The following SGCZ variants were observed in gnomAD, a reference collection of about 807,000 sequenced individuals.
SGCZ encodes sarcoglycan zeta.
Under a neutral mutation model 41.3 loss-of-function variants are expected in SGCZ, and 40 were observed. The observed-to-expected ratio is 0.97, with a 90% CI of 0.75 to 1.26. SGCZ has a LOEUF of 1.26. SGCZ is among the 50% of genes most tolerant of loss of function. The probability of loss-of-function intolerance (pLI) is 0.00; values close to 1 mark genes in which losing one functional copy is unlikely to be tolerated. For synonymous variants in SGCZ, 206 were observed against 137.5 expected, an observed-to-expected ratio of 1.50 and a Z score of -3.49; for missense variants, 552 against 369.8, an observed-to-expected ratio of 1.49 and a Z score of -4.04.
At chr8:15,101,713 TG>T (rs1485161314) in intron 1 of SGCZ, among the ~76,000 whole-genome samples, 1 of 152,124 alleles carries the variant, frequency 6.6e-6, no homozygotes, top group Non-Finnish European at 1.5e-5. Context: ...GGCAGATACT[TG>T]AAGTCAGGCA....
At chr8:14,842,340 GA>G (rs1339589511) in intron 1 of SGCZ, among the ~76,000 whole-genome samples, 1 of 148,808 alleles carries the variant, frequency 6.7e-6, no homozygotes, top group South Asian at 2.1e-4. Context: ...AGGCAGGAGA[GA>G]AAAAAAGGAA....
At chr8:14,821,567 C>T (rs995675271) in intron 1 of SGCZ, among the ~76,000 whole-genome samples, 2 of 151,844 alleles carry the variant, frequency 1.3e-5, no homozygotes, top group African/African-American at 4.8e-5. Flanking sequence ...AAATTATCAG[C>T]AAGATATTAG....
intron 1 of SGCZ, among the ~76,000 whole-genome samples, chr8:15,038,898 C>A (rs1178950239): frequency 6.7e-6 from 1 of 149,910 alleles, no homozygotes; most frequent in Non-Finnish European, 1.5e-5. Context: ...CATCACTAAT[C>A]ATCAGAGAAA....
At chr8:14,180,270 C>T (rs1402402485) in intron 4 of SGCZ, among the ~76,000 whole-genome samples, 1 of 152,180 alleles carries the variant, frequency 6.6e-6, no homozygotes, top group East Asian at 1.9e-4. Flanking sequence ...ATTACACACC[C>T]TGCAGAAATG....
chr8:14,099,327 A>G (rs553250410), intron 7 of SGCZ, among the ~76,000 whole-genome samples: 10 of 152,328 alleles, frequency 6.6e-5, no homozygotes, highest in South Asian at 4.1e-4. Flanking sequence ...CCTGATCTCA[A>G]TCACATCCCT....
At chr8:15,122,378 T>C (rs1585586201) in intron 1 of SGCZ, among the ~76,000 whole-genome samples, 1 of 152,136 alleles carries the variant, frequency 6.6e-6, no homozygotes, top group East Asian at 1.9e-4. Flanking sequence ...CTTTTCATTT[T>C]CCCTTTATTC....
chr8:14,511,542 G>C (rs768807352), intron 2 of SGCZ, among the ~76,000 whole-genome samples: 1 of 151,902 alleles, frequency 6.6e-6, no homozygotes, highest in Non-Finnish European at 1.5e-5. Context: ...TCCAATGGAA[G>C]GATAGGCTAA....
intron 1 of SGCZ, among the ~76,000 whole-genome samples, chr8:15,181,796 A>G (rs1800188024): frequency 6.6e-6 from 1 of 152,220 alleles, no homozygotes; most frequent in Admixed American, 6.5e-5. Flanking sequence ...CATTAGGTGA[A>G]TAACAGATAA....
chr8:14,130,840 C>T (rs1030315850), intron 5 of SGCZ, among the ~76,000 whole-genome samples: 5 of 152,190 alleles, frequency 3.3e-5, no homozygotes, highest in African/African-American at 4.8e-5. Flanking sequence ...TCTTTGTTGC[C>T]GTGTGTGCAG....
chr8:14,269,225 G>C (rs1432281059), intron 3 of SGCZ, among the ~76,000 whole-genome samples: 3 of 152,018 alleles, frequency 2.0e-5, no homozygotes, highest in Non-Finnish European at 4.4e-5. Context: ...AAATATTTGA[G>C]ATTATTACTT....
At chr8:15,077,835 A>G (rs1158086377) in intron 1 of SGCZ, among the ~76,000 whole-genome samples, 1 of 152,230 alleles carries the variant, frequency 6.6e-6, no homozygotes, top group African/African-American at 2.4e-5. Flanking sequence ...AAAATGTACC[A>G]TATTTCTCTT....
chr8:14,290,185 AC>A (rs2116942381), intron 3 of SGCZ, among the ~76,000 whole-genome samples: 1 of 152,160 alleles, frequency 6.6e-6, no homozygotes, highest in African/African-American at 2.4e-5. Flanking sequence ...TATAAAAATA[AC>A]TCAAAATGGA....
Position 15,169,804 on chromosome 8 carries a change from T to C in SGCZ, c.39+67781A>G, listed in dbSNP as rs1275368451. Among the ~76,000 whole-genome samples the C allele has an allele frequency of 3.9e-5, 6 of 152,312 alleles. No homozygotes were observed. The East Asian group carries it at 9.7e-4, about 25-fold the overall frequency. ...CATCCATAAGGGCTCCATCTCCCAA[T>C]ACCACAAACTAGGGGCTTCTATTTC... On this transcript the variant is annotated intron_variant, in intron 1 of 7. Transcript: ENST00000382080.
At position 14,216,959 on chromosome 8, in the gene SGCZ, G is replaced by A. The variant is rs141911099; in HGVS notation, c.424+20633C>T. Among the ~76,000 whole-genome samples the A allele has an allele frequency of 4.4e-4, 67 of 152,274 alleles. 2 individuals carry two copies. Among genetic ancestry groups the A allele is most frequent in the African/African-American group, 1.5e-3 (64 of 41,564 alleles). Reference sequence around the variant, plus strand: ...AGTTATGTATACTGACGTATTGGTAGTGACCCAAGGCCACATATGTGGTGA... The same window carrying A: ...AGTTATGTATACTGACGTATTGGTAATGACCCAAGGCCACATATGTGGTGA... On this transcript the variant is annotated intron_variant, in intron 4 of 7. Coordinates refer to ENST00000382080, the MANE Select transcript of SGCZ (RefSeq NM_139167.4).
In SGCZ at chr8:15,096,810, C is replaced by T. The variant is rs1185803309; in HGVS notation, c.39+140775G>A. ...AAGGGATTCCCCTGCCTCAGCCTCT[C>T]GAGTAGCTGGGACTACAGGCACATA... On this transcript the variant is annotated intron_variant, in intron 1 of 7. Transcript: ENST00000382080. 6.6e-5 allele frequency among the ~76,000 whole-genome samples: 10 copies of T among 152,108 alleles called. No individual in the cohort carries two copies. The East Asian group carries it at 1.2e-3, about 18-fold the overall frequency.
chr8:14,985,813 T>G (rs962661466), intron 1 of SGCZ, among the ~76,000 whole-genome samples: 1 of 152,178 alleles, frequency 6.6e-6, no homozygotes, highest in Non-Finnish European at 1.5e-5. Context: ...AATATTTAGT[T>G]TTTTAGGACT....
At chr8:14,384,259 T>C (rs1804485675) in intron 2 of SGCZ, among the ~76,000 whole-genome samples, 1 of 152,082 alleles carries the variant, frequency 6.6e-6, no homozygotes, top group Non-Finnish European at 1.5e-5. Context: ...AATGATGGTT[T>C]CCAGCTTCAT....
intron 1 of SGCZ, among the ~76,000 whole-genome samples, chr8:15,044,559 C>G (rs1253550309): frequency 6.6e-6 from 1 of 152,024 alleles, no homozygotes; most frequent in Non-Finnish European, 1.5e-5. Flanking sequence ...TCTGAAAATC[C>G]ACCTTTGATA....
At chr8:14,656,075 G>C (rs1435680081) in intron 1 of SGCZ, among the ~76,000 whole-genome samples, 1 of 152,022 alleles carries the variant, frequency 6.6e-6, no homozygotes, top group Non-Finnish European at 1.5e-5. Context: ...TTGTGTACAG[G>C]TTTTATATGA....
Sources: gnomAD v4.1 joint callset for allele counts (sites outside exome capture counted in the v4.1 genomes callset) on GRCh38, gnomAD v4.1.1 for gene constraint, MANE v1.5 for transcripts, NCBI Gene and HGNC (gene_info 2026-07-23, HGNC 2026-07-21) for gene names.